NKTR: variants seen among roughly 807,000 people sequenced by gnomAD.
NKTR encodes the protein NK-tumor recognition protein.
A neutral mutation model predicts 156.3 loss-of-function variants in NKTR; 67 were observed. The observed-to-expected ratio is 0.43, with a 90% confidence interval of 0.35 to 0.53. The LOEUF (loss-of-function observed/expected upper bound fraction) is 0.53. Ranked by LOEUF, NKTR falls within the 20% of genes least tolerant of loss-of-function variation. The probability of loss-of-function intolerance (pLI) is 0.01; values close to 1 mark genes in which losing one functional copy is unlikely to be tolerated. For missense variants in NKTR, 1,604 were observed against 1,730.9 expected (o/e 0.93, Z 1.30); for synonymous variants, 640 against 596.6 (o/e 1.07, Z -1.06).
rs1355534828 is a variant in NKTR at position 42,637,463 on chromosome 3, G to A, written c.1759G>A (p.Ala587Thr). The change falls in exon 13 of 17, where the codon GCA becomes ACA. Residue 587 changes from alanine (A) to threonine (T), a missense_variant. By Grantham distance (58) the Ala-to-Thr change is moderately conservative (BLOSUM62 0). Around this residue, in one of 6 missense-constraint regions of NKTR, gnomAD observed 1,255 missense variants for 1,243.7 expected, o/e 1.01. Coordinates refer to ENST00000232978, the MANE Select transcript of NKTR (RefSeq NM_005385.4). ...ACCAGTTAAAACAGAACCTTTAAGA[G>A]CAACCATGGCACAAAATGAAAATGT... ...NKPVKTEPLR[A>T]TMAQNENVVV... The A allele has an allele frequency of 6.2e-7, 1 of 1,613,270 alleles. No homozygotes were observed. Among genetic ancestry groups the A allele is most frequent in the Non-Finnish European group, 8.5e-7 (1 of 1,179,784 alleles).
Position 42,637,049 on chromosome 3 carries a change from A to G in NKTR, c.1345A>G (p.Arg449Gly). ...KKKGKKQKHCRRHKQTKKRRI... is the reference protein window; with the variant it reads ...KKKGKKQKHCGRHKQTKKRRI... ...GAAAGGGAAAAAGCAGAAACACTGC[A>G]GAAGACACAAACAAACAAAGAAGAG... Residue 449 changes from arginine (R) to glycine (G), a missense_variant, in exon 13 of 17, where the codon AGA (arginine) becomes GGA (glycine). Transcript: ENST00000232978. 1.2e-6 allele frequency: 2 copies of G among 1,607,106 alleles called. No individual in the cohort carries two copies. The highest frequency in any genetic ancestry group is 1.7e-6 in the Non-Finnish European group (2 of 1,178,372).
chr3:42,641,927 T>C (rs2300057), intron 13 of NKTR, among the ~76,000 whole-genome samples: 26,200 of 151,984 alleles, frequency 0.17, 2,734 homozygotes, highest in African/African-American at 0.29. Context: ...CCTAGGTGCA[T>C]GCCTATGTCC....
At position 42,632,818 on chromosome 3, in the gene NKTR, A is replaced by T. The variant is rs748570197; in HGVS notation, c.768A>T (p.Pro256=). 1.8e-5 allele frequency: 29 copies of T among 1,585,246 alleles called. 1 individual carries two copies. In the South Asian group the frequency reaches 1.9e-4, roughly 10 times the overall value. Residue 256 remains proline (P), a synonymous_variant, in exon 9 of 17, where the codon CCA becomes CCT. Coordinates refer to ENST00000232978, the MANE Select transcript of NKTR (RefSeq NM_005385.4). The part of the protein sequence containing the change: ...EEPRNKHAMN[P]KGHSERSDTN... Reference sequence around the variant, plus strand: ...CAAGGAATAAACATGCAATGAACCCAAAAGGGTACGTGTAAAACACCAATG... The same window carrying T: ...CAAGGAATAAACATGCAATGAACCCTAAAGGGTACGTGTAAAACACCAATG...
At chr3:42,621,228 C>G in intron 5 of NKTR, 1 of 1,231,534 alleles carries the variant, frequency 8.1e-7, no homozygotes, top group Non-Finnish European at 1.0e-6. Flanking sequence ...TTCTTTTCCT[C>G]AAGGCTTTAA....
In NKTR at chr3:42,637,208, A is replaced by G. The variant is rs1324244117; in HGVS notation, c.1504A>G (p.Lys502Glu). ...SHHSSKRDWSKSDKDVQSSLT... is the reference protein window; with the variant it reads ...SHHSSKRDWSESDKDVQSSLT... The stretch of plus-strand genomic sequence containing the variant: ...TCACTCATCAAAGAGAGACTGGTCT[A>G]AATCTGATAAGGATGTCCAGAGCTC... The change falls in exon 13 of 17, where the codon AAA (lysine) becomes GAA (glutamate). Residue 502 changes from lysine to glutamate, a missense_variant. Around this residue, in one of 6 missense-constraint regions of NKTR, gnomAD observed 1,255 missense variants for 1,243.7 expected, o/e 1.01. Coordinates refer to ENST00000232978, the MANE Select transcript of NKTR (RefSeq NM_005385.4). 1 of 1,611,886 alleles carries G rather than the reference A, an allele frequency of 6.2e-7. No homozygotes were observed. Among genetic ancestry groups the G allele is most frequent in the African/African-American group, 1.3e-5 (1 of 74,744 alleles).
At chr3:42,627,444 T>A (rs1708490275) in intron 6 of NKTR, 1 of 985,220 alleles carries the variant, frequency 1.0e-6, no homozygotes. Context: ...CCTGTACATC[T>A]TCTGGTGGGG....
Position 42,604,578 on chromosome 3 carries a change from A to G in NKTR, c.58+3514A>G, listed in dbSNP as rs187727744. 7.9e-3 allele frequency among the ~76,000 whole-genome samples: 1,142 copies of G among 145,322 alleles called. 6 individuals are homozygous for G. Among genetic ancestry groups the G allele is most frequent in the Non-Finnish European group, 0.012 (786 of 66,848 alleles). Reference sequence around the variant, plus strand: ...TCTTTTATATCTTTGCTGATTTTCTACTTGTTTATTGATTACCAGGAGAAG... The same window carrying G: ...TCTTTTATATCTTTGCTGATTTTCTGCTTGTTTATTGATTACCAGGAGAAG... On this transcript the variant is annotated intron_variant, in intron 2 of 16. Coordinates refer to ENST00000232978, the MANE Select transcript of NKTR (RefSeq NM_005385.4).
At chr3:42,613,723 A>G (rs995043370) in intron 2 of NKTR, among the ~76,000 whole-genome samples, 1 of 152,220 alleles carries the variant, frequency 6.6e-6, no homozygotes, top group Admixed American at 6.5e-5. Context: ...AATCTACACC[A>G]TGACATAGAC....
chr3:42,639,453 T>G lies in NKTR; in HGVS notation c.3749T>G (p.Val1250Gly), dbSNP rs1467502462. 1 of 1,614,204 alleles carries G rather than the reference T, an allele frequency of 6.2e-7. No homozygotes were observed. The highest frequency in any genetic ancestry group is 8.5e-7 in the Non-Finnish European group (1 of 1,180,034). The change falls in exon 13 of 17, where the codon GTG (valine) becomes GGG (glycine). Residue 1250 changes from valine to glycine, a missense_variant. Coordinates refer to ENST00000232978, the MANE Select transcript of NKTR (RefSeq NM_005385.4). ...AATSSAVEVKVLTTVPEMKPQ... is the reference protein window; with the variant it reads ...AATSSAVEVKGLTTVPEMKPQ... ...ACATCCAGTGCTGTGGAAGTTAAGG[T>G]GTTGACCACTGTGCCTGAAATGAAA...
chr3:42,627,916 G>A lies in NKTR; in HGVS notation c.375-2630G>A, dbSNP rs547648716. On this transcript the variant is annotated intron_variant, in intron 6 of 16. Coordinates refer to ENST00000232978, the MANE Select transcript of NKTR (RefSeq NM_005385.4). ...TTAATTGAAGATTTTGAAAGATTAA[G>A]AGTTAGTGAGATGAGCTCTCTGCCT... 1,163 of 985,102 alleles carry A rather than the reference G, an allele frequency of 1.2e-3. 1 individual carries two copies. Among genetic ancestry groups the A allele is most frequent in the Non-Finnish European group, 1.3e-3 (1,116 of 829,738 alleles). 61.0% of individuals were successfully genotyped at this position (985,102 alleles called of 1,614,324 possible). A position where few individuals can be genotyped will look rare whatever the true frequency, so the allele number is the denominator to read the frequency against.
chr3:42,618,997 C>CTTT (rs10712209), intron 3 of NKTR, 23 bp from the exon 4 acceptor site: 412 of 1,354,432 alleles, frequency 3.0e-4, no homozygotes, highest in Middle Eastern at 7.6e-4. Flanking sequence ...AACTTCATTT[C>CTTT]TTTTTTTTTT....
At chr3:42,625,604 G>C (rs917651235) in intron 6 of NKTR, among the ~76,000 whole-genome samples, 6 of 152,142 alleles carry the variant, frequency 3.9e-5, no homozygotes, top group African/African-American at 1.4e-4. Context: ...AATAAAACTA[G>C]ATTCGGGGTA....
rs78739677 is a variant in NKTR at position 42,644,033 on chromosome 3, C to T, written c.4301+30C>T. On this transcript the variant is annotated intron_variant, in intron 16 of 16. Transcript: ENST00000232978. ...GTCTCTCTCCTTTATCGTCCTTTAT[C>T]GCACTGTAGGCCACGGTGGGCACTT... The T allele has an allele frequency of 8.3e-4, 1,266 of 1,522,146 alleles. 6 individuals carry two copies. The African/African-American group carries it at 0.015, about 18-fold the overall frequency. The allele number at this position is 1,522,146 out of a possible 1,614,324, so 94.3% of individuals were successfully genotyped here. A position where few individuals can be genotyped will look rare whatever the true frequency, so the allele number is the denominator to read the frequency against.
intron 3 of NKTR, 41 bp from the exon 4 acceptor site, chr3:42,618,979 A>C (rs779286299): frequency 6.6e-7 from 1 of 1,518,884 alleles, no homozygotes. Flanking sequence ...AGGATGTATA[A>C]ATAATTAAAC....
chr3:42,629,151 T>C (rs1372240328), intron 6 of NKTR: 1 of 981,404 alleles, frequency 1.0e-6, no homozygotes, highest in East Asian at 1.1e-4. Context: ...CCATCCAAGG[T>C]GGTTTCTGGA....
chr3:42,639,740 T>A lies in NKTR; in HGVS notation c.4036T>A (p.Ser1346Thr). The A allele has an allele frequency of 6.2e-7, 1 of 1,603,860 alleles. No individual in the cohort carries two copies. The highest frequency in any genetic ancestry group is 8.5e-7 in the Non-Finnish European group (1 of 1,173,558). ...HSRSRSRSST[S>T]SYRSRSYSRS... Reference sequence around the variant, plus strand: ...AAGAAGTCGATCGAGAAGTTCCACATCATCTTATCGGTGAGCAATATTCTC... The same window carrying A: ...AAGAAGTCGATCGAGAAGTTCCACAACATCTTATCGGTGAGCAATATTCTC... The change falls in exon 13 of 17, where the codon TCA (serine) becomes ACA (threonine). Residue 1346 changes from serine (S) to threonine (T), a missense_variant. This residue lies in a region of NKTR where 193 missense variants were observed against 220.2 expected (regional missense o/e 0.88). Coordinates refer to ENST00000232978, the MANE Select transcript of NKTR (RefSeq NM_005385.4).
At chr3:42,628,089 T>C (rs1708563128) in intron 6 of NKTR, 2 of 985,388 alleles carry the variant, frequency 2.0e-6, no homozygotes, top group Non-Finnish European at 2.4e-6. Context: ...TCCTGGAATG[T>C]AGGTTGAGAA....
At chr3:42,610,430 T>C (rs1340959210) in intron 2 of NKTR, among the ~76,000 whole-genome samples, 1 of 152,204 alleles carries the variant, frequency 6.6e-6, no homozygotes, top group Non-Finnish European at 1.5e-5. Flanking sequence ...ATAATGCTGA[T>C]TGTTGATTTG....
At chr3:42,611,411 T>C (rs1706794156) in intron 2 of NKTR, among the ~76,000 whole-genome samples, 1 of 152,130 alleles carries the variant, frequency 6.6e-6, no homozygotes, top group South Asian at 2.1e-4. Context: ...ATGTAAAATA[T>C]TGTTAGTTCT....
Sources: gnomAD v4.1 joint callset for allele counts (sites outside exome capture counted in the v4.1 genomes callset) on GRCh38, gnomAD v4.1.1 for gene constraint, gnomAD v4.1.1 regional missense constraint, MANE v1.5 for transcripts, NCBI Gene and HGNC (gene_info 2026-07-23, HGNC 2026-07-21) for gene names.